Variants in ZNF526 observed in about 807,000 individuals in gnomAD.
ZNF526 encodes the protein zinc finger protein 526.
ZNF526 carries 16 observed loss-of-function variants against 32.4 expected under a neutral mutation model. The observed-to-expected ratio is 0.49, with a 90% CI of 0.33 to 0.75. The LOEUF is 0.75. Ranked by LOEUF, ZNF526 falls within the 30% of genes least tolerant of loss-of-function variation. ZNF526 has a pLI of 0.02. For missense variants in ZNF526, 838 were observed against 920.7 expected (o/e 0.91, Z 1.16); for synonymous variants, 355 against 363.4 (o/e 0.98, Z 0.26).
rs1288906542 is a variant in ZNF526 at position 42,220,338 on chromosome 19, C to G, written c.-158C>G. On this transcript the variant is annotated 5_prime_UTR_variant, in exon 1 of 3. Coordinates refer to ENST00000301215, the MANE Select transcript of ZNF526 (RefSeq NM_133444.3). ...GTGAGGGGTCCCACACGCCTGGAGC[C>G]GAGGGTCTGTGTCAAGAGCGGCAGG... The G allele has an allele frequency of 6.6e-6, 1 of 152,394 alleles. No individual in the cohort carries two copies. The highest frequency in any genetic ancestry group is 1.5e-5 in the Non-Finnish European group (1 of 68,204). The allele number at this position is 152,394 out of a possible 1,614,324, so 9.4% of individuals were successfully genotyped here.
chr19:42,226,096 A>G lies in ZNF526; in HGVS notation c.1693A>G (p.Thr565Ala), dbSNP rs150802181. ...TGCCCGCGCCCCCCGCCTCCCCATCACTGGTCTCTACAACAAGAGTCCCTA... is the reference window on the plus strand; with the variant it reads ...TGCCCGCGCCCCCCGCCTCCCCATCGCTGGTCTCTACAACAAGAGTCCCTA... ...AFARAPRLPITGLYNKSPYYC... is the reference protein window; with the variant it reads ...AFARAPRLPIAGLYNKSPYYC... The change falls in exon 3 of 3, where the codon ACT (threonine) becomes GCT (alanine). Residue 565 changes from threonine to alanine, a missense_variant. By Grantham distance (58) the Thr-to-Ala change is moderately conservative. Coordinates refer to ENST00000301215, the MANE Select transcript of ZNF526 (RefSeq NM_133444.3). 1.5e-4 allele frequency: 244 copies of G among 1,605,968 alleles called. No individual in the cohort carries two copies. The African/African-American group carries it at 3.0e-3, about 19-fold the overall frequency.
At chr19:42,223,074 C>G (rs1474087363) in intron 1 of ZNF526, among the ~76,000 whole-genome samples, 3 of 152,160 alleles carry the variant, frequency 2.0e-5, no homozygotes, top group Non-Finnish European at 4.4e-5. Flanking sequence ...GTTCCAGGGC[C>G]TGTGTTTTTA....
Position 42,226,793 on chromosome 19 carries a change from C to T in ZNF526, c.*377C>T. The T allele has an allele frequency of 2.8e-6, 1 of 354,404 alleles. No homozygotes were observed. The highest frequency in any genetic ancestry group is 5.7e-6 in the Non-Finnish European group (1 of 176,520). 22.0% of individuals were successfully genotyped at this position (354,404 alleles called of 1,614,324 possible). A position where few individuals can be genotyped will look rare whatever the true frequency, so the allele number is the denominator to read the frequency against. On this transcript the variant is annotated 3_prime_UTR_variant, in exon 3 of 3. Transcript: ENST00000301215. ...ACTCTCATATACCTCTTCAGATCCTCTGCTTGTACCCCCAGCCCTTGCCTT... is the reference window on the plus strand; with the variant it reads ...ACTCTCATATACCTCTTCAGATCCTTTGCTTGTACCCCCAGCCCTTGCCTT...
At chr19:42,222,332 C>T (rs2036133055) in intron 1 of ZNF526, among the ~76,000 whole-genome samples, 1 of 152,096 alleles carries the variant, frequency 6.6e-6, no homozygotes, top group African/African-American at 2.4e-5. Context: ...TTGTGATCGC[C>T]TGCCTTGGCC....
At position 42,224,662 on chromosome 19, in the gene ZNF526, G is replaced by A. The variant is rs941781640; in HGVS notation, c.259G>A (p.Glu87Lys). 22 of 1,614,202 alleles carry A rather than the reference G, an allele frequency of 1.4e-5. No homozygotes were observed. Among genetic ancestry groups the A allele is most frequent in the Non-Finnish European group, 1.9e-5 (22 of 1,180,026 alleles). Residue 87 changes from glutamate (E) to lysine (K), a missense_variant, in exon 3 of 3, where the codon GAG becomes AAG. Glu to Lys is a moderately conservative substitution (Grantham distance 56). Transcript: ENST00000301215. ...EQHMLAVSEE[E>K]ALTTQNVGLE... ...GCACATGCTTGCTGTCTCAGAGGAGGAGGCACTGACCACACAGAATGTTGG... is the reference window on the plus strand; with the variant it reads ...GCACATGCTTGCTGTCTCAGAGGAGAAGGCACTGACCACACAGAATGTTGG...
intron 1 of ZNF526, among the ~76,000 whole-genome samples, chr19:42,223,405 G>A (rs1179240472): frequency 6.6e-6 from 1 of 152,328 alleles, no homozygotes; most frequent in Non-Finnish European, 1.5e-5. Context: ...ACTTTGGGAC[G>A]CCCAGGCGGG....
At position 42,225,444 on chromosome 19, in the gene ZNF526, T is replaced by A. The variant is rs769857787; in HGVS notation, c.1041T>A (p.Leu347=). The A allele has an allele frequency of 2.5e-6, 4 of 1,614,186 alleles. No homozygotes were observed. The South Asian group carries it at 4.4e-5, about 18-fold the overall frequency. Residue 347 remains leucine (L), a synonymous_variant, in exon 3 of 3, where the codon CTT becomes CTA. Coordinates refer to ENST00000301215, the MANE Select transcript of ZNF526 (RefSeq NM_133444.3). ...CSKVFKKAAS[L]EQHLRLHRGE... is the part of the protein sequence containing the mutation. Reference sequence around the variant, plus strand: ...AGGTCTTCAAGAAAGCAGCATCGCTTGAGCAGCACTTGCGGCTGCATCGCG... The same window carrying A: ...AGGTCTTCAAGAAAGCAGCATCGCTAGAGCAGCACTTGCGGCTGCATCGCG...
Position 42,226,072 on chromosome 19 carries a change from G to A in ZNF526, c.1669G>A (p.Ala557Thr). ...RRLHLRPVAF[A>T]RAPRLPITGL... ...GTTGCACTTGCGGCCAGTCGCCTTT[G>A]CCCGCGCCCCCCGCCTCCCCATCAC... The change falls in exon 3 of 3, where the codon GCC becomes ACC. Residue 557 changes from alanine (A) to threonine (T), a missense_variant. Physicochemically the swap from Ala to Thr is moderately conservative, Grantham distance 58. Transcript: ENST00000301215. 14 of 1,607,950 alleles carry A rather than the reference G, an allele frequency of 8.7e-6. No individual in the cohort carries two copies. The highest frequency in any genetic ancestry group is 2.2e-5 in the East Asian group (1 of 44,884).
chr19:42,228,149 G>A lies in ZNF526; in HGVS notation c.*1733G>A, dbSNP rs755204077. The stretch of plus-strand genomic sequence containing the variant: ...AGGGAGATTGAGGCTGCAGTGAGCT[G>A]TGTTCACACCACTGCACTCCAGTCT... On this transcript the variant is annotated 3_prime_UTR_variant, in exon 3 of 3. Transcript: ENST00000301215. 14 of 151,012 alleles carry A rather than the reference G, an allele frequency of 9.3e-5. No homozygotes were observed. Among genetic ancestry groups the A allele is most frequent in the Admixed American group, 7.9e-4 (12 of 15,102 alleles). 9.4% of individuals were successfully genotyped at this position (151,012 alleles called of 1,614,324 possible).
rs1179781217 is a variant in ZNF526 at position 42,224,600 on chromosome 19, A to C, written c.197A>C (p.Tyr66Ser). Reference sequence around the variant, plus strand: ...ATGTGCTCTGAGTGTGGCAGCCTCTATAACACACTGGAGGAAGTCCTCTCA... The same window carrying C: ...ATGTGCTCTGAGTGTGGCAGCCTCTCTAACACACTGGAGGAAGTCCTCTCA... ...QFMCSECGSL[Y>S]NTLEEVLSHQ... Residue 66 changes from tyrosine to serine, a missense_variant, in exon 3 of 3, where the codon TAT becomes TCT. Transcript: ENST00000301215. The C allele has an allele frequency of 1.2e-6, 2 of 1,614,216 alleles. No individual in the cohort carries two copies. The highest frequency in any genetic ancestry group is 1.7e-6 in the Non-Finnish European group (2 of 1,180,036).
chr19:42,225,623 G>T lies in ZNF526; in HGVS notation c.1220G>T (p.Arg407Leu). ...ATGACCAAGTTCCTCTACCACCGGC[G>T]CACTCACGCCGGCAAAAGCGGGGCA... ...SNMTKFLYHR[R>L]THAGKSGAPP... Residue 407 changes from arginine to leucine, a missense_variant, in exon 3 of 3, where the codon CGC becomes CTC. By Grantham distance (102) the Arg-to-Leu change is moderately radical (BLOSUM62 -2). Transcript: ENST00000301215. 6.2e-7 allele frequency: 1 copy of T among 1,611,820 alleles called. No individual in the cohort carries two copies. The highest frequency in any genetic ancestry group is 8.5e-7 in the Non-Finnish European group (1 of 1,178,384).
At chr19:42,221,405 G>A (rs1411807038) in intron 1 of ZNF526, among the ~76,000 whole-genome samples, 1 of 152,092 alleles carries the variant, frequency 6.6e-6, no homozygotes, top group Non-Finnish European at 1.5e-5. Context: ...GACCATGGTG[G>A]GTGGATTTCT....
chr19:42,225,591 C>G lies in ZNF526; in HGVS notation c.1188C>G (p.Phe396Leu), dbSNP rs771469366. Residue 396 changes from phenylalanine (F) to leucine (L), a missense_variant, in exon 3 of 3, where the codon TTC becomes TTG. Coordinates refer to ENST00000301215, the MANE Select transcript of ZNF526 (RefSeq NM_133444.3). ...PLHRCRCGKT[F>L]SNMTKFLYHR... is the part of the protein sequence containing the mutation. Reference sequence around the variant, plus strand: ...ATCGCTGTCGTTGCGGCAAGACGTTCAGCAACATGACCAAGTTCCTCTACC... The same window carrying G: ...ATCGCTGTCGTTGCGGCAAGACGTTGAGCAACATGACCAAGTTCCTCTACC... 6.2e-7 allele frequency: 1 copy of G among 1,608,694 alleles called. No individual in the cohort carries two copies. Among genetic ancestry groups the G allele is most frequent in the Non-Finnish European group, 8.5e-7 (1 of 1,175,926 alleles).
intron 1 of ZNF526, chr19:42,220,660 G>A (rs2036112743): frequency 6.6e-6 from 1 of 152,176 alleles, no homozygotes; most frequent in Non-Finnish European, 1.5e-5. Flanking sequence ...TTGTAAAGCG[G>A]GAAAGTTGAA....
intron 1 of ZNF526, among the ~76,000 whole-genome samples, chr19:42,221,496 G>C (rs2146926358): frequency 6.6e-6 from 1 of 152,170 alleles, no homozygotes; most frequent in East Asian, 1.9e-4. Context: ...ATCCAGGCGT[G>C]GTGGTGAATG....
At chr19:42,220,418 A>C (rs891420985) in intron 1 of ZNF526, 31 bp downstream of exon 1, 1 of 152,752 alleles carries the variant, frequency 6.5e-6, no homozygotes, top group East Asian at 1.9e-4. Flanking sequence ...TGGACTGGGA[A>C]GAGAACGCTG....
At chr19:42,224,089 C>G (rs1489509658) in intron 1 of ZNF526, 126 bp from the exon 2 acceptor site, 3 of 352,740 alleles carry the variant, frequency 8.5e-6, no homozygotes, top group Non-Finnish European at 1.6e-5. Flanking sequence ...AACCCAGGAG[C>G]GAGAGGTTGC....
At position 42,225,862 on chromosome 19, in the gene ZNF526, G is replaced by A. The variant is rs368101123; in HGVS notation, c.1459G>A (p.Val487Met). 21 of 1,614,128 alleles carry A rather than the reference G, an allele frequency of 1.3e-5. No individual in the cohort carries two copies. Among genetic ancestry groups the A allele is most frequent in the South Asian group, 4.4e-5 (4 of 91,092 alleles). The change falls in exon 3 of 3, where the codon GTG becomes ATG. Residue 487 changes from valine (V) to methionine (M), a missense_variant. By Grantham distance (21) the Val-to-Met change is conservative. Transcript: ENST00000301215. The stretch of plus-strand genomic sequence containing the variant: ...CAAGGGCTTCAAGAAGCTGATCCAC[G>A]TGCGCAACCACCTGCGGACACACAC... ...CGKGFKKLIH[V>M]RNHLRTHTGE...
chr19:42,225,294 C>T lies in ZNF526; in HGVS notation c.891C>T (p.Ser297=), dbSNP rs1458349490. ...ARRQHRRTAH[S]PASATHPFHC... The stretch of plus-strand genomic sequence containing the variant: ...GGCAACACCGGCGGACGGCTCACAG[C>T]CCGGCATCTGCCACCCACCCCTTCC... The change falls in exon 3 of 3, where the codon AGC becomes AGT. Residue 297 remains serine (S), a synonymous_variant. Coordinates refer to ENST00000301215, the MANE Select transcript of ZNF526 (RefSeq NM_133444.3). 6.2e-7 allele frequency: 1 copy of T among 1,612,540 alleles called. No individual in the cohort carries two copies. The highest frequency in any genetic ancestry group is 8.5e-7 in the Non-Finnish European group (1 of 1,179,018).
Sources: gnomAD v4.1 joint callset for allele counts (sites outside exome capture counted in the v4.1 genomes callset) on GRCh38, gnomAD v4.1.1 for gene constraint, MANE v1.5 for transcripts, NCBI Gene and HGNC (gene_info 2026-07-23, HGNC 2026-07-21) for gene names.